Variants in NEIL3 observed in about 807,000 individuals in gnomAD.
NEIL3 encodes the protein endonuclease 8-like 3.
In NEIL3, 48 loss-of-function variants were observed where a neutral mutation model predicts 57.5. The ratio of observed to expected loss-of-function variants is 0.83; its 90% CI spans 0.66 to 1.06. The LOEUF (loss-of-function observed/expected upper bound fraction) is 1.06. Among genes scored for constraint, NEIL3 ranks in the 50% least tolerant of loss-of-function variants. The pLI, the probability that NEIL3 is intolerant of heterozygous loss-of-function variation, is 0.00. For missense variants in NEIL3, 717 were observed against 739.1 expected, an observed-to-expected ratio of 0.97 and a Z score of 0.35; for synonymous variants, 261 against 253.2, an observed-to-expected ratio of 1.03 and a Z score of -0.29.
intron 2 of NEIL3, among the ~76,000 whole-genome samples, chr4:177,325,246 A>C (rs964076230): frequency 4.6e-5 from 7 of 152,150 alleles, no homozygotes; most frequent in Non-Finnish European, 8.8e-5. Context: ...TCCATCATAT[A>C]TTACTTATAA....
chr4:177,369,855 C>A, the NEIL3 span, among the ~76,000 whole-genome samples: 1 of 152,124 alleles, frequency 6.6e-6, no homozygotes, highest in Non-Finnish European at 1.5e-5. Context: ...AATAAAATAT[C>A]CACGTGAAGG....
chr4:177,330,709 A>G (rs1382837485), intron 2 of NEIL3, among the ~76,000 whole-genome samples: 1 of 152,230 alleles, frequency 6.6e-6, no homozygotes, highest in Non-Finnish European at 1.5e-5. Flanking sequence ...TGCATTAACC[A>G]AAGCAAAAAG....
chr4:177,361,335 T>C (rs1735604600), intron 9 of NEIL3, among the ~76,000 whole-genome samples: 1 of 152,228 alleles, frequency 6.6e-6, no homozygotes, highest in Non-Finnish European at 1.5e-5. Context: ...TGTTCAGAGA[T>C]ACATATTTTT....
chr4:177,347,498 C>A (rs909430418), intron 6 of NEIL3, among the ~76,000 whole-genome samples: 2 of 152,074 alleles, frequency 1.3e-5, no homozygotes, highest in Non-Finnish European at 2.9e-5. Flanking sequence ...AGCTGGGAAG[C>A]CACTGGGAGA....
chr4:177,349,680 A>G (rs1227408438), intron 6 of NEIL3, among the ~76,000 whole-genome samples: 1 of 152,206 alleles, frequency 6.6e-6, no homozygotes. Flanking sequence ...ACTACAAAAC[A>G]TTAAGTTTGG....
chr4:177,346,690 C>T (rs1307286009), intron 6 of NEIL3, among the ~76,000 whole-genome samples: 1 of 152,084 alleles, frequency 6.6e-6, no homozygotes, highest in Non-Finnish European at 1.5e-5. Context: ...TGGTAAAGAT[C>T]TTTAGGTTAT....
intron 6 of NEIL3, among the ~76,000 whole-genome samples, chr4:177,350,642 T>A (rs1211353782): frequency 2.0e-5 from 3 of 152,196 alleles, no homozygotes; most frequent in Non-Finnish European, 2.9e-5. Context: ...TCTGTGCACA[T>A]GAAGTAAATA....
chr4:177,332,126 A>G (rs1734895568), intron 2 of NEIL3, among the ~76,000 whole-genome samples: 1 of 152,032 alleles, frequency 6.6e-6, no homozygotes, highest in Non-Finnish European at 1.5e-5. Flanking sequence ...TGTATGTAGA[A>G]CCCAAGGTCG....
intron 8 of NEIL3, among the ~76,000 whole-genome samples, chr4:177,359,546 A>G (rs1490537224): frequency 2.0e-5 from 3 of 152,176 alleles, no homozygotes; most frequent in Non-Finnish European, 2.9e-5. Context: ...TTTTTTAACA[A>G]TTATTTAAGA....
intron 6 of NEIL3, among the ~76,000 whole-genome samples, chr4:177,344,632 G>T (rs1362445786): frequency 6.6e-6 from 1 of 151,840 alleles, no homozygotes; most frequent in African/African-American, 2.4e-5. Flanking sequence ...TGTGATCTCG[G>T]CTCACTGCAA....
downstream of NEIL3, among the ~76,000 whole-genome samples, chr4:177,366,762 G>GATTA (rs1735698300): frequency 6.6e-6 from 1 of 152,136 alleles, no homozygotes; most frequent in Non-Finnish European, 1.5e-5. Flanking sequence ...ACAAACGTTA[G>GATTA]ATTATTAGAT....
At chr4:177,330,360 A>C (rs1490779557) in intron 2 of NEIL3, among the ~76,000 whole-genome samples, 2 of 152,132 alleles carry the variant, frequency 1.3e-5, no homozygotes, top group Non-Finnish European at 2.9e-5. Context: ...TGCTTGAGGA[A>C]ATGTTCTGGC....
chr4:177,310,952 G>A (rs1734464384), intron 1 of NEIL3, among the ~76,000 whole-genome samples: 1 of 152,100 alleles, frequency 6.6e-6, no homozygotes, highest in Non-Finnish European at 1.5e-5. Flanking sequence ...AAGAAATGAG[G>A]TTCTAAGTCT....
intron 7 of NEIL3, among the ~76,000 whole-genome samples, chr4:177,352,158 T>C (rs1045059346): frequency 2.0e-5 from 3 of 152,212 alleles, no homozygotes; most frequent in Non-Finnish European, 2.9e-5. Context: ...GTTCTCAAAG[T>C]GTTATTTCTT....
In NEIL3 at chr4:177,341,562, G is replaced by A; in HGVS notation, c.789G>A (p.Val263=). 6.2e-7 allele frequency: 1 copy of A among 1,613,516 alleles called. No homozygotes were observed. The highest frequency in any genetic ancestry group is 1.1e-5 in the South Asian group (1 of 91,054). The change falls in exon 6 of 10, where the codon GTG becomes GTA. Residue 263 remains valine (V), a synonymous_variant. Coordinates refer to ENST00000264596, the MANE Select transcript of NEIL3 (RefSeq NM_018248.3). ...GTCAGTGCCACTGCAGAATAACTGT[G>A]TGCCGCTTTGGGGACAATAACAGAA... ...NCGQCHCRIT[V]CRFGDNNRMT... is the part of the protein sequence containing the mutation.
intron 5 of NEIL3, among the ~76,000 whole-genome samples, chr4:177,340,885 C>A (rs1015708755): frequency 7.9e-5 from 12 of 151,808 alleles, no homozygotes; most frequent in Non-Finnish European, 1.3e-4. Context: ...GAATTTATAC[C>A]AAAATGGAAT....
chr4:177,348,079 C>T lies in NEIL3; in HGVS notation c.870-3301C>T, dbSNP rs1329398827. On this transcript the variant is annotated intron_variant, in intron 6 of 9. Coordinates refer to ENST00000264596, the MANE Select transcript of NEIL3 (RefSeq NM_018248.3). ...TCCTCTATCTTTTCTTTAAGCAGTA[C>T]TTCTCTGTAAGGAAACCCTAAGAGC... Among the ~76,000 whole-genome samples the T allele has an allele frequency of 2.6e-5, 4 of 152,208 alleles. No individual in the cohort carries two copies. The East Asian group carries it at 7.7e-4, about 29-fold the overall frequency.
At chr4:177,321,485 A>G (rs944666180) in intron 1 of NEIL3, among the ~76,000 whole-genome samples, 1 of 152,172 alleles carries the variant, frequency 6.6e-6, no homozygotes, top group Non-Finnish European at 1.5e-5. Flanking sequence ...AAGAAACACC[A>G]GTATACATAA....
chr4:177,344,567 A>G (rs1001293400), intron 6 of NEIL3, among the ~76,000 whole-genome samples: 2 of 150,354 alleles, frequency 1.3e-5, no homozygotes, highest in African/African-American at 2.5e-5. Flanking sequence ...TTTTCTTTTT[A>G]TTTGAGTTGG....
Sources: allele counts gnomAD v4.1 joint callset (sites outside exome capture counted in the v4.1 genomes callset), GRCh38; gene constraint gnomAD v4.1.1; transcripts MANE v1.5; gene names NCBI Gene and HGNC (gene_info 2026-07-23, HGNC 2026-07-21).